TSPAN2: variants seen among roughly 807,000 people sequenced by gnomAD.
TSPAN2 encodes the protein tetraspanin-2.
A neutral mutation model predicts 33.3 loss-of-function variants in TSPAN2; 24 were observed. The ratio of observed to expected loss-of-function variants is 0.72; its 90% confidence interval spans 0.52 to 1.01. The LOEUF is 1.01. Ranked by LOEUF, TSPAN2 falls within the 50% of genes least tolerant of loss-of-function variation. The pLI is 0.00. For missense variants in TSPAN2, 278 were observed against 281.3 expected (o/e 0.99, Z 0.08); for synonymous variants, 114 against 104.5 (o/e 1.09, Z -0.56).
intron 3 of TSPAN2, among the ~76,000 whole-genome samples, chr1:115,061,525 AC>A (rs1397191000): frequency 6.6e-6 from 1 of 152,188 alleles, no homozygotes; most frequent in Non-Finnish European, 1.5e-5. Context: ...TAGCTGCCTC[AC>A]CCACTGTGAA....
At chr1:115,060,794 A>G (rs947190072) in intron 3 of TSPAN2, among the ~76,000 whole-genome samples, 5 of 152,230 alleles carry the variant, frequency 3.3e-5, no homozygotes, top group African/African-American at 1.2e-4. Context: ...GGAATATACG[A>G]TAACTGTGTA....
chr1:115,066,173 T>C (rs1647943709), intron 2 of TSPAN2, among the ~76,000 whole-genome samples: 1 of 152,220 alleles, frequency 6.6e-6, no homozygotes, highest in Admixed American at 6.5e-5. Flanking sequence ...GTTGACTCCA[T>C]ATGTTGGCTA....
chr1:115,051,533 C>G (rs1425629853), intron 7 of TSPAN2, among the ~76,000 whole-genome samples: 3 of 152,198 alleles, frequency 2.0e-5, no homozygotes, highest in African/African-American at 4.8e-5. Context: ...GTCTTCTTGT[C>G]CGCTATTATT....
intron 1 of TSPAN2, among the ~76,000 whole-genome samples, chr1:115,082,952 T>C (rs1046470051): frequency 5.3e-5 from 8 of 152,222 alleles, no homozygotes; most frequent in Admixed American, 5.2e-4. Flanking sequence ...TTTCGTGAGA[T>C]TGTTGTGATT....
At chr1:115,056,346 G>A (rs1435899265) in intron 6 of TSPAN2, among the ~76,000 whole-genome samples, 2 of 152,002 alleles carry the variant, frequency 1.3e-5, no homozygotes, top group Admixed American at 1.3e-4. Context: ...CTCACATCTC[G>A]CTCTCTGAAA....
At chr1:115,056,677 G>A (rs745738670) in intron 6 of TSPAN2, among the ~76,000 whole-genome samples, 2 of 152,086 alleles carry the variant, frequency 1.3e-5, no homozygotes, top group African/African-American at 2.4e-5. Flanking sequence ...TGTGCTTTCC[G>A]AGCACGTTGC....
At chr1:115,069,355 T>C (rs1001497461) in intron 2 of TSPAN2, among the ~76,000 whole-genome samples, 3 of 152,234 alleles carry the variant, frequency 2.0e-5, no homozygotes, top group African/African-American at 7.2e-5. Flanking sequence ...CCCAGGCATA[T>C]GCCCACAAGC....
chr1:115,058,686 A>G (rs1471447395), intron 5 of TSPAN2, among the ~76,000 whole-genome samples, 197 bp downstream of exon 5: 1 of 151,906 alleles, frequency 6.6e-6, no homozygotes, highest in Non-Finnish European at 1.5e-5. Flanking sequence ...TCTCTTGTGA[A>G]CTCTGTGTGA....
At chr1:115,053,496 T>C (rs755289811) in intron 6 of TSPAN2, 34 bp from the exon 7 acceptor site, 7 of 1,547,582 alleles carry the variant, frequency 4.5e-6, no homozygotes, top group Non-Finnish European at 6.2e-6. Context: ...GAATAAAAAC[T>C]GATTGTATGT....
In TSPAN2 at chr1:115,089,485, GGGAGCGGCA is replaced by G; in HGVS notation, c.-62_-54del. 1 of 1,340,090 alleles carries G rather than the reference GGGAGCGGCA, an allele frequency of 7.5e-7. No homozygotes were observed. The highest frequency in any genetic ancestry group is 1.5e-5 in the African/African-American group (1 of 66,178). The allele number at this position is 1,340,090 out of a possible 1,614,324, so 83.0% of individuals were successfully genotyped here. On this transcript the variant is annotated 5_prime_UTR_variant, in exon 1 of 8. Transcript: ENST00000369516. Reference sequence around the variant, plus strand: ...TCCCCAGGCCCGCGCTACGAGCGCGGGGAGCGGCAGGCTCCGGCGGGGAGGGGGCGGAGC... The same window carrying G: ...TCCCCAGGCCCGCGCTACGAGCGCGGGGCTCCGGCGGGGAGGGGGCGGAGC...
At chr1:115,070,072 C>G (rs146973430) in intron 2 of TSPAN2, among the ~76,000 whole-genome samples, 1 of 152,130 alleles carries the variant, frequency 6.6e-6, no homozygotes, top group African/African-American at 2.4e-5. Context: ...AGGTTGCTCC[C>G]GGGGAGGTCT....
chr1:115,080,788 G>A (rs1648595500), intron 1 of TSPAN2, among the ~76,000 whole-genome samples: 1 of 152,184 alleles, frequency 6.6e-6, no homozygotes, highest in Admixed American at 6.5e-5. Flanking sequence ...GTCTTTTCTA[G>A]GTTCAGCGGA....
At chr1:115,085,321 T>G (rs1381448504) in intron 1 of TSPAN2, among the ~76,000 whole-genome samples, 1 of 152,204 alleles carries the variant, frequency 6.6e-6, no homozygotes, top group African/African-American at 2.4e-5. Flanking sequence ...TCAGCGGCCC[T>G]GGGCCAGGGA....
intron 1 of TSPAN2, among the ~76,000 whole-genome samples, chr1:115,079,661 C>T (rs956936090): frequency 2.0e-5 from 3 of 152,160 alleles, no homozygotes; most frequent in Non-Finnish European, 4.4e-5. Flanking sequence ...CGAAGGACCT[C>T]ACTACCTTGG....
chr1:115,059,472 G>A (rs535318044), intron 4 of TSPAN2, among the ~76,000 whole-genome samples: 1 of 152,334 alleles, frequency 6.6e-6, no homozygotes, highest in East Asian at 1.9e-4. Flanking sequence ...CTGGGCCCCA[G>A]ATTCCTGGGC....
intron 2 of TSPAN2, among the ~76,000 whole-genome samples, chr1:115,068,391 C>T (rs1210018805): frequency 6.6e-6 from 1 of 152,236 alleles, no homozygotes; most frequent in African/African-American, 2.4e-5. Flanking sequence ...CAGTCATCTA[C>T]CCCGAAGCAG....
In TSPAN2 at chr1:115,050,293, C is replaced by A; in HGVS notation, c.*197G>T. 1.6e-6 allele frequency: 1 copy of A among 627,826 alleles called. No individual in the cohort carries two copies. The highest frequency in any genetic ancestry group is 2.9e-5 in the Admixed American group (1 of 33,930). The allele number at this position is 627,826 out of a possible 1,614,324, so 38.9% of individuals were successfully genotyped here. A position where few individuals can be genotyped will look rare whatever the true frequency, so the allele number is the denominator to read the frequency against. ...CACGCAGATCACACATGAATATGCTCTCAGTCATCATAAACAGGCATTCAC... is the reference window on the plus strand; with the variant it reads ...CACGCAGATCACACATGAATATGCTATCAGTCATCATAAACAGGCATTCAC... On this transcript the variant is annotated 3_prime_UTR_variant, in exon 8 of 8. Coordinates refer to ENST00000369516, the MANE Select transcript of TSPAN2 (RefSeq NM_005725.6).
intron 2 of TSPAN2, among the ~76,000 whole-genome samples, chr1:115,071,884 T>C (rs957488798): frequency 6.6e-6 from 1 of 151,608 alleles, no homozygotes; most frequent in Non-Finnish European, 1.5e-5. Flanking sequence ...CTGCTCTGAG[T>C]GGGGCCTGCG....
chr1:115,057,560 G>C lies in TSPAN2; in HGVS notation c.493C>G (p.Pro165Ala). Residue 165 changes from proline (P) to alanine (A), a missense_variant, in exon 6 of 8, where the codon CCA becomes GCA. Physicochemically the swap from Pro to Ala is conservative, Grantham distance 27. Coordinates refer to ENST00000369516, the MANE Select transcript of TSPAN2 (RefSeq NM_005725.6). ...ACCTTGTGTCCTAGAAGCTCCTTTG[G>C]GCATGTAGGTTGGACCTGTTCGGAG... Reference protein sequence around the residue: ...ESSEQVQPTCPKELLGHKNCI... With the variant: ...ESSEQVQPTCAKELLGHKNCI... The C allele has an allele frequency of 6.2e-7, 1 of 1,614,078 alleles. No individual in the cohort carries two copies. The highest frequency in any genetic ancestry group is 8.5e-7 in the Non-Finnish European group (1 of 1,179,986).
Sources: allele counts gnomAD v4.1 joint callset (sites outside exome capture counted in the v4.1 genomes callset), GRCh38; gene constraint gnomAD v4.1.1; transcripts MANE v1.5; gene names NCBI Gene and HGNC (gene_info 2026-07-23, HGNC 2026-07-21).